The following TUSC3 variants were observed in gnomAD, a reference collection of about 807,000 sequenced individuals.
TUSC3 encodes the protein dolichyl-diphosphooligosaccharide--protein glycosyltransferase subunit TUSC3.
A neutral mutation model predicts 44.8 loss-of-function variants in TUSC3; 45 were observed. The observed-to-expected ratio is 1.00, with a 90% CI of 0.79 to 1.29. The LOEUF is 1.29. Ranked by LOEUF, TUSC3 falls within the 50% of genes most tolerant of loss-of-function variation. The pLI is 0.00. For missense variants in TUSC3, 519 were observed against 437.9 expected (o/e 1.19, Z -1.65); for synonymous variants, 212 against 152.9 (o/e 1.39, Z -2.85).
chr8:15,611,560 T>C (rs892587602), intron 1 of TUSC3, among the ~76,000 whole-genome samples: 3 of 152,200 alleles, frequency 2.0e-5, no homozygotes, highest in Admixed American at 1.3e-4. Context: ...AGAGAGACCA[T>C]GATTTGCTGA....
intron 6 of TUSC3, among the ~76,000 whole-genome samples, chr8:15,708,196 C>T (rs1279261135): frequency 6.6e-6 from 1 of 151,804 alleles, no homozygotes; most frequent in Non-Finnish European, 1.5e-5. Context: ...AAAGAAAATA[C>T]CCAAAGGCCT....
chr8:15,453,907 A>C (rs1800223936), intron 1 of TUSC3, among the ~76,000 whole-genome samples: 1 of 152,188 alleles, frequency 6.6e-6, no homozygotes, highest in African/African-American at 2.4e-5. Context: ...ACTGGTGATC[A>C]CCAGCTTCCC....
At chr8:15,573,397 A>G (rs1401816431) in intron 1 of TUSC3, among the ~76,000 whole-genome samples, 1 of 151,662 alleles carries the variant, frequency 6.6e-6, no homozygotes, top group Non-Finnish European at 1.5e-5. Flanking sequence ...GTTCCTACAC[A>G]ATAGCGTGGC....
intron 6 of TUSC3, among the ~76,000 whole-genome samples, chr8:15,723,857 C>G (rs10111198): frequency 6.6e-6 from 1 of 152,090 alleles, no homozygotes; most frequent in Admixed American, 6.6e-5. Flanking sequence ...ACAAAGGAGA[C>G]TCAGGACTAG....
the TUSC3 span, among the ~76,000 whole-genome samples, chr8:15,809,258 G>C: frequency 6.6e-6 from 1 of 152,136 alleles, no homozygotes; most frequent in Admixed American, 6.5e-5. Flanking sequence ...TCCCTGGTCA[G>C]GTCACAGTAT....
intron 1 of TUSC3, among the ~76,000 whole-genome samples, chr8:15,576,383 A>G (rs969813378): frequency 1.4e-4 from 21 of 148,390 alleles, no homozygotes; most frequent in African/African-American, 5.0e-4. Flanking sequence ...ATATGTATAC[A>G]TGTGCCATGC....
At chr8:15,752,384 CATTA>C (rs1344960694) in intron 9 of TUSC3, among the ~76,000 whole-genome samples, 2 of 150,092 alleles carry the variant, frequency 1.3e-5, no homozygotes, top group African/African-American at 4.9e-5. Context: ...GTTTAAAATA[CATTA>C]ATTAGACAGA....
At chr8:15,738,364 A>G (rs1306837223) in intron 7 of TUSC3, among the ~76,000 whole-genome samples, 1 of 152,192 alleles carries the variant, frequency 6.6e-6, no homozygotes, top group Non-Finnish European at 1.5e-5. Flanking sequence ...AATGGTATAC[A>G]GTTTTTTTGA....
intron 1 of TUSC3, among the ~76,000 whole-genome samples, chr8:15,605,168 A>G (rs1199115948): frequency 1.3e-5 from 2 of 151,920 alleles, no homozygotes; most frequent in South Asian, 2.1e-4. Context: ...CTTCCAAAAG[A>G]GTAGAATCAA....
At chr8:15,498,608 G>C (rs972364884) in intron 2 of TUSC3, among the ~76,000 whole-genome samples, 2 of 152,154 alleles carry the variant, frequency 1.3e-5, no homozygotes, top group Non-Finnish European at 2.9e-5. Context: ...TGTGAATTAG[G>C]TGGAGAGTTG....
chr8:15,638,515 C>CT (rs547743726), intron 2 of TUSC3, among the ~76,000 whole-genome samples: 1,683 of 80,954 alleles, frequency 0.021, 7 homozygotes, highest in Middle Eastern at 0.038. Context: ...TTCTTTTTTT[C>CT]TTTTTTTTTT....
At chr8:15,827,425 A>G in the TUSC3 span, among the ~76,000 whole-genome samples, 97 of 152,264 alleles carry the variant, frequency 6.4e-4, no homozygotes, top group African/African-American at 2.2e-3. Flanking sequence ...CTGTAATGGG[A>G]TTCAATGGGT....
chr8:15,452,542 A>C (rs943440644), intron 1 of TUSC3, among the ~76,000 whole-genome samples: 2 of 152,080 alleles, frequency 1.3e-5, no homozygotes, highest in Non-Finnish European at 1.5e-5. Context: ...TGGAGCCCTA[A>C]TTAGGGAAGA....
intron 1 of TUSC3, among the ~76,000 whole-genome samples, chr8:15,423,080 A>T (rs1013500422): frequency 2.6e-5 from 4 of 152,150 alleles, no homozygotes; most frequent in Non-Finnish European, 5.9e-5. Context: ...ATGAGGTGGA[A>T]ATGTTAAAAG....
the TUSC3 span, among the ~76,000 whole-genome samples, chr8:15,783,892 G>C: frequency 6.6e-6 from 1 of 152,150 alleles, no homozygotes; most frequent in Non-Finnish European, 1.5e-5. Flanking sequence ...CATAGCAAAA[G>C]AAGCAGTGGA....
Position 15,473,389 on chromosome 8 carries a change from T to G in TUSC3, n.92-9997T>G, listed in dbSNP as rs560927229. ...CCTTGCTAGTAGAATACATGTCACTTTCCTATGAAATACTATAGAAAAAAC... is the reference window on the plus strand; with the variant it reads ...CCTTGCTAGTAGAATACATGTCACTGTCCTATGAAATACTATAGAAAAAAC... On this transcript the variant is annotated intron_variant and non_coding_transcript_variant, in intron 1 of 5. Transcript: ENST00000503191. Among the ~76,000 whole-genome samples the G allele has an allele frequency of 1.9e-3, 289 of 152,340 alleles. 1 individual carries two copies. The highest frequency in any genetic ancestry group is 0.012 in the South Asian group (56 of 4,828).
At chr8:15,551,042 T>C (rs1486189308) in intron 1 of TUSC3, among the ~76,000 whole-genome samples, 3 of 151,804 alleles carry the variant, frequency 2.0e-5, no homozygotes, top group African/African-American at 7.2e-5. Flanking sequence ...ATTTAAACTC[T>C]GTGTTCTTGG....
At chr8:15,560,298 A>C (rs1190670860) in intron 1 of TUSC3, among the ~76,000 whole-genome samples, 1 of 142,184 alleles carries the variant, frequency 7.0e-6, no homozygotes, top group African/African-American at 2.6e-5. Context: ...TCTGGGTTGA[A>C]ATTTCTTGTC....
At chr8:15,693,735 A>G (rs539506938) in intron 6 of TUSC3, among the ~76,000 whole-genome samples, 15 of 152,154 alleles carry the variant, frequency 9.9e-5, no homozygotes, top group Admixed American at 9.2e-4. Flanking sequence ...ATTCTGAAAT[A>G]CACTTTCGAG....
Sources: gnomAD v4.1 joint callset for allele counts (sites outside exome capture counted in the v4.1 genomes callset) on GRCh38, gnomAD v4.1.1 for gene constraint, MANE v1.5 for transcripts, NCBI Gene and HGNC (gene_info 2026-07-23, HGNC 2026-07-21) for gene names.